BRWD3: variants seen among roughly 807,000 people sequenced by gnomAD.
The protein encoded by BRWD3 is bromodomain and WD repeat-containing protein 3.
Under a neutral mutation model 149.7 loss-of-function variants are expected in BRWD3, and 10 were observed. The ratio of observed to expected loss-of-function variants is 0.07; its 90% CI spans 0.04 to 0.11. BRWD3 has a LOEUF of 0.11. Among genes scored for constraint, BRWD3 ranks in the 10% least tolerant of loss-of-function variants. The pLI is 1.00. For synonymous variants in BRWD3, 504 were observed against 456.7 expected (o/e 1.10, Z -1.32); for missense variants, 940 against 1,373.2 (o/e 0.68, Z 4.99).
At chrX:80,736,270 A>C (rs978177245) in intron 8 of BRWD3, among the ~76,000 whole-genome samples, 182 bp from the exon 9 acceptor site, 3 of 111,940 alleles carry the variant, frequency 2.7e-5, no homozygotes, top group Non-Finnish European at 5.6e-5. Context: ...AAAAAATTTA[A>C]AATATCAAAA....
At chrX:80,713,670 C>T (rs1229480674) in intron 20 of BRWD3, among the ~76,000 whole-genome samples, 1 of 110,028 alleles carries the variant, frequency 9.1e-6, no homozygotes, top group Non-Finnish European at 1.9e-5. Flanking sequence ...CTGCGAGAGA[C>T]ACCCAAGAAT....
chrX:80,710,838 T>C, intron 20 of BRWD3: 1 of 308,173 alleles, frequency 3.2e-6, no homozygotes. Flanking sequence ...GTGAGTTTTT[T>C]CTAAGCAACC....
chrX:80,689,076 T>C (rs888940015), intron 33 of BRWD3, among the ~76,000 whole-genome samples: 2 of 111,505 alleles, frequency 1.8e-5, no homozygotes, highest in African/African-American at 6.5e-5. Context: ...CTCATGCCAC[T>C]GCAACACAAT....
chrX:80,723,787 C>A lies in BRWD3; in HGVS notation c.1611G>T (p.Leu537Phe), dbSNP rs754748465. 2.5e-6 allele frequency: 3 copies of A among 1,210,809 alleles called. No individual in the cohort carries two copies. Among genetic ancestry groups the A allele is most frequent in the Non-Finnish European group, 3.4e-6 (3 of 894,541 alleles). The change falls in exon 16 of 41, where the codon TTG becomes TTT. Residue 537 changes from leucine (L) to phenylalanine (F), a missense_variant. Physicochemically the swap from Leu to Phe is conservative, Grantham distance 22 (BLOSUM62 0). Coordinates refer to ENST00000373275, the MANE Select transcript of BRWD3 (RefSeq NM_153252.5). The part of the protein sequence containing the change: ...HFACTDSHGH[L>F]LLFGFGCSKY... Reference sequence around the variant, plus strand: ...TACTGCATCCAAAACCAAAAAGCAGCAAATGTCCATGAGAATCTGTGCAGG... The same window carrying A: ...TACTGCATCCAAAACCAAAAAGCAGAAAATGTCCATGAGAATCTGTGCAGG...
At chrX:80,722,452 A>G (rs2073164214) in intron 17 of BRWD3, 110 bp downstream of exon 17, 3 of 714,766 alleles carry the variant, frequency 4.2e-6, no homozygotes, top group African/African-American at 4.3e-5. Context: ...AAGATGAAAC[A>G]TATTATAACC....
In BRWD3 at chrX:80,676,840, T is replaced by G. The variant is rs768063593; in HGVS notation, c.5178A>C (p.Ala1726=). 1.6e-5 allele frequency: 19 copies of G among 1,211,396 alleles called. No individual in the cohort carries two copies. The East Asian group carries it at 3.3e-4, about 21-fold the overall frequency. The change falls in exon 41 of 41, where the codon GCA becomes GCC. Residue 1726 remains alanine, a synonymous_variant. Transcript: ENST00000373275. ...TATCAAATTCATCATCTGCAATACG[T>G]GCTCGTTTGGCTCTGGTAGCTCCTC... ...ASRGATRAKR[A]RIADDEFDTM...
intron 6 of BRWD3, among the ~76,000 whole-genome samples, chrX:80,783,964 C>T (rs748565466): frequency 9.2e-6 from 1 of 108,258 alleles, no homozygotes. Context: ...ATGGTTAATG[C>T]GTAAAAAAAT....
At chrX:80,783,261 C>T (rs1211883630) in intron 6 of BRWD3, among the ~76,000 whole-genome samples, 2 of 109,508 alleles carry the variant, frequency 1.8e-5, no homozygotes, top group Non-Finnish European at 3.8e-5. Context: ...GTAGTGCACA[C>T]CTGTAGTCCC....
At chrX:80,711,929 G>A (rs776917799) in intron 20 of BRWD3, among the ~76,000 whole-genome samples, 2 of 111,474 alleles carry the variant, frequency 1.8e-5, no homozygotes, top group East Asian at 2.8e-4. Context: ...ATATGTTCTC[G>A]GGACTACTTC....
At chrX:80,743,924 TTTTTCTC>T in intron 8 of BRWD3, 101 bp downstream of exon 8, 2 of 676,218 alleles carry the variant, frequency 3.0e-6, no homozygotes, top group South Asian at 5.8e-5. Context: ...GAAGAGAGCA[TTTTTCTC>T]TTGTTATTCT....
At chrX:80,681,535 A>T in intron 39 of BRWD3, 36 bp from the exon 40 acceptor site, 1 of 1,123,936 alleles carries the variant, frequency 8.9e-7, no homozygotes, top group Non-Finnish European at 1.2e-6. Context: ...TAACATAATT[A>T]TCATGTTTTC....
intron 32 of BRWD3, 59 bp from the exon 33 acceptor site, chrX:80,689,905 T>C: frequency 4.3e-6 from 5 of 1,166,589 alleles, no homozygotes; most frequent in Non-Finnish European, 5.8e-6. Flanking sequence ...AATTAATTTT[T>C]TTAAAATTAA....
chrX:80,676,478 G>A lies in BRWD3; in HGVS notation c.*131C>T, dbSNP rs1020596694. On this transcript the variant is annotated 3_prime_UTR_variant, in exon 41 of 41. Transcript: ENST00000373275. Reference sequence around the variant, plus strand: ...AAAAGTCTTGAAACAAATGTATACTGGCATAAATGGAAAAGCACCAATGTG... The same window carrying A: ...AAAAGTCTTGAAACAAATGTATACTAGCATAAATGGAAAAGCACCAATGTG... The A allele has an allele frequency of 2.4e-5, 19 of 801,213 alleles. No individual in the cohort carries two copies. The highest frequency in any genetic ancestry group is 9.9e-5 in the South Asian group (4 of 40,306). The allele number at this position is 801,213 out of a possible 1,213,427, so 66.0% of individuals were successfully genotyped here.
chrX:80,683,337 G>A (rs1029265480), intron 37 of BRWD3, among the ~76,000 whole-genome samples: 1 of 111,354 alleles, frequency 9.0e-6, no homozygotes, highest in East Asian at 2.8e-4. Flanking sequence ...GGTGATTTTT[G>A]TTTTCTTCTT....
chrX:80,793,876 A>G (rs751567425), intron 4 of BRWD3, 104 bp from the exon 5 acceptor site: 29 of 886,847 alleles, frequency 3.3e-5, no homozygotes, highest in Non-Finnish European at 4.0e-5. Context: ...AGCAAAGTAC[A>G]GTTTTAAAAT....
At chrX:80,743,722 T>G (rs2073552491) in intron 8 of BRWD3, 1 of 226,667 alleles carries the variant, frequency 4.4e-6, no homozygotes, top group African/African-American at 2.9e-5. Context: ...AGAACTCATT[T>G]ATATCCTAAT....
intron 6 of BRWD3, among the ~76,000 whole-genome samples, chrX:80,784,774 T>C (rs2074091848): frequency 1.8e-5 from 2 of 112,311 alleles, no homozygotes; most frequent in South Asian, 7.4e-4. Flanking sequence ...CTTTTCTTTA[T>C]CCTGCCTATC....
Position 80,809,658 on chromosome X carries a change from A to T in BRWD3, c.-187T>A. 2 of 429,172 alleles carry T rather than the reference A, an allele frequency of 4.7e-6. No homozygotes were observed. Among genetic ancestry groups the T allele is most frequent in the South Asian group, 7.6e-5 (2 of 26,446 alleles). 35.4% of individuals were successfully genotyped at this position (429,172 alleles called of 1,213,427 possible). A position where few individuals can be genotyped will look rare whatever the true frequency, so the allele number is the denominator to read the frequency against. ...TTTCGACCCATAGATATTCTAGCCC[A>T]AGAGCTGAGGAGGCGGAGGAGGAAG... On this transcript the variant is annotated 5_prime_UTR_variant, in exon 1 of 41. Transcript: ENST00000373275.
intron 40 of BRWD3, among the ~76,000 whole-genome samples, chrX:80,678,168 T>C (rs1244733103): frequency 8.9e-6 from 1 of 112,275 alleles, no homozygotes; most frequent in Non-Finnish European, 1.9e-5. Context: ...TCCACTGCAG[T>C]ATTCTAGGTA....
Sources: allele counts gnomAD v4.1 joint callset (sites outside exome capture counted in the v4.1 genomes callset), GRCh38; gene constraint gnomAD v4.1.1; transcripts MANE v1.5; gene names NCBI Gene and HGNC (gene_info 2026-07-23, HGNC 2026-07-21).